Variants in ARHGEF28 observed in about 807,000 individuals in gnomAD.
ARHGEF28 encodes 190 kDa guanine nucleotide exchange factor.
A neutral mutation model predicts 206.6 loss-of-function variants in ARHGEF28; 152 were observed. The observed-to-expected ratio is 0.74, with a 90% CI of 0.64 to 0.84. The LOEUF (loss-of-function observed/expected upper bound fraction) is 0.84. Ranked by LOEUF, ARHGEF28 falls within the 40% of genes least tolerant of loss-of-function variation. The pLI is 0.00. For missense variants in ARHGEF28, 2,028 were observed against 2,073.2 expected (o/e 0.98, Z 0.42); for synonymous variants, 763 against 776.4 (o/e 0.98, Z 0.29).
At chr5:73,911,626 C>T in intron 35 of ARHGEF28, 51 bp downstream of exon 35, 2 of 1,504,056 alleles carry the variant, frequency 1.3e-6, no homozygotes, top group Non-Finnish European at 1.8e-6. Context: ...GAAGTTGTCC[C>T]TCTGAATGGT....
chr5:73,691,628 C>T (rs566187496), intron 2 of ARHGEF28, among the ~76,000 whole-genome samples: 1 of 152,322 alleles, frequency 6.6e-6, no homozygotes, highest in South Asian at 2.1e-4. Flanking sequence ...GGACTTAGTG[C>T]AAACATTTTC....
At chr5:73,711,437 T>C (rs1424763535) in intron 2 of ARHGEF28, among the ~76,000 whole-genome samples, 1 of 152,178 alleles carries the variant, frequency 6.6e-6, no homozygotes, top group Non-Finnish European at 1.5e-5. Flanking sequence ...CTTAAAAATA[T>C]TGAGGCTTGT....
chr5:73,856,339 C>T (rs1382974968), intron 14 of ARHGEF28, among the ~76,000 whole-genome samples: 3 of 152,178 alleles, frequency 2.0e-5, no homozygotes, highest in Non-Finnish European at 4.4e-5. Context: ...CCTTTTCCTT[C>T]TGCCTTTTAA....
intron 28 of ARHGEF28, 150 bp from the exon 29 acceptor site, chr5:73,894,243 C>G: frequency 1.4e-6 from 1 of 719,752 alleles, no homozygotes; most frequent in Non-Finnish European, 2.3e-6. Flanking sequence ...ATGGTCAGGA[C>G]TGAGACCTGC....
intron 34 of ARHGEF28, among the ~76,000 whole-genome samples, chr5:73,910,949 A>G (rs2112729252): frequency 6.6e-6 from 1 of 152,316 alleles, no homozygotes; most frequent in South Asian, 2.1e-4. Flanking sequence ...CTCCTCATGT[A>G]TATATGGATA....
At chr5:73,848,386 C>T (rs996019343) in intron 12 of ARHGEF28, among the ~76,000 whole-genome samples, 4 of 152,136 alleles carry the variant, frequency 2.6e-5, no homozygotes, top group African/African-American at 9.7e-5. Flanking sequence ...TCCAAACATC[C>T]ACCCCAGAAA....
At chr5:73,923,337 G>A (rs1353148371) in intron 35 of ARHGEF28, among the ~76,000 whole-genome samples, 2 of 152,146 alleles carry the variant, frequency 1.3e-5, no homozygotes, top group African/African-American at 2.4e-5. Context: ...TCTCTGATGA[G>A]CTGGCTATGA....
At chr5:73,755,316 T>TGG (rs11392859) in intron 4 of ARHGEF28, among the ~76,000 whole-genome samples, 286 of 151,812 alleles carry the variant, frequency 1.9e-3, no homozygotes, top group African/African-American at 6.4e-3. Flanking sequence ...GGTGTTTTTT[T>TGG]GGGGGGGTGT....
At chr5:73,874,576 A>AC (rs1223019125) in intron 22 of ARHGEF28, among the ~76,000 whole-genome samples, 1 of 43,328 alleles carries the variant, frequency 2.3e-5, no homozygotes, top group East Asian at 8.5e-4. Context: ...CCCTCCCCCC[A>AC]CCCCACAACA....
chr5:73,908,023 G>A (rs900504295), intron 33 of ARHGEF28, among the ~76,000 whole-genome samples: 6 of 152,148 alleles, frequency 3.9e-5, no homozygotes, highest in African/African-American at 1.4e-4. Context: ...TCTTTAGCCA[G>A]ATCAACAGAG....
chr5:73,725,093 T>C (rs1171681752), intron 2 of ARHGEF28, among the ~76,000 whole-genome samples: 1 of 152,362 alleles, frequency 6.6e-6, no homozygotes, highest in East Asian at 1.9e-4. Context: ...ATGTATTTCA[T>C]TGTCATCTGG....
intron 16 of ARHGEF28, among the ~76,000 whole-genome samples, chr5:73,859,162 T>C (rs923496959): frequency 6.6e-6 from 1 of 152,342 alleles, no homozygotes; most frequent in East Asian, 1.9e-4. Flanking sequence ...AGTTTGCATA[T>C]GGGGGCTAGA....
intron 25 of ARHGEF28, among the ~76,000 whole-genome samples, chr5:73,886,940 CT>C (rs1761339301): frequency 6.6e-6 from 1 of 152,188 alleles, no homozygotes; most frequent in African/African-American, 2.4e-5. Context: ...TAAATTCTAG[CT>C]ACTCAAAAAT....
chr5:73,864,286 A>T (rs189830902), intron 16 of ARHGEF28, among the ~76,000 whole-genome samples: 3 of 152,236 alleles, frequency 2.0e-5, no homozygotes, highest in Admixed American at 2.0e-4. Flanking sequence ...GATATAAAAC[A>T]ATGGGCACAG....
At chr5:73,632,567 G>A (rs1355645572) in intron 1 of ARHGEF28, among the ~76,000 whole-genome samples, 1 of 152,092 alleles carries the variant, frequency 6.6e-6, no homozygotes, top group Non-Finnish European at 1.5e-5. Context: ...CTGCTATGTG[G>A]AGGCCATTCT....
chr5:73,693,398 A>G (rs1423533762), intron 2 of ARHGEF28, among the ~76,000 whole-genome samples: 1 of 152,172 alleles, frequency 6.6e-6, no homozygotes, highest in African/African-American at 2.4e-5. Context: ...AACTATGTCT[A>G]GGCAAGCCCT....
intron 33 of ARHGEF28, among the ~76,000 whole-genome samples, chr5:73,908,232 T>C (rs1002110443): frequency 6.6e-6 from 1 of 152,196 alleles, no homozygotes; most frequent in African/African-American, 2.4e-5. Context: ...GAATACATTT[T>C]TGAGTCGTAT....
At chr5:73,934,979 C>T (rs968949420) in intron 35 of ARHGEF28, among the ~76,000 whole-genome samples, 1 of 152,156 alleles carries the variant, frequency 6.6e-6, no homozygotes, top group African/African-American at 2.4e-5. Context: ...CTAACAGTGG[C>T]CTTCTTCTTG....
At chr5:73,873,971 C>A (rs1760274067) in intron 22 of ARHGEF28, among the ~76,000 whole-genome samples, 1 of 152,140 alleles carries the variant, frequency 6.6e-6, no homozygotes, top group African/African-American at 2.4e-5. Context: ...AGTGGTTGTA[C>A]CATTTTACAT....
Sources: allele counts gnomAD v4.1 joint callset (sites outside exome capture counted in the v4.1 genomes callset), GRCh38; gene constraint gnomAD v4.1.1; transcripts MANE v1.5; gene names NCBI Gene and HGNC (gene_info 2026-07-23, HGNC 2026-07-21).